CDC42BPG: variants seen among roughly 807,000 people sequenced by gnomAD.
CDC42BPG encodes the protein serine/threonine-protein kinase MRCK gamma.
A neutral mutation model predicts 192.2 loss-of-function variants in CDC42BPG; 157 were observed. The observed-to-expected ratio is 0.82, with a 90% CI of 0.72 to 0.93. The LOEUF is 0.93. CDC42BPG is among the 40% of genes least tolerant of loss of function. CDC42BPG has a pLI of 0.00. For missense variants in CDC42BPG, 1,992 were observed against 2,122.1 expected (o/e 0.94, Z 1.20); for synonymous variants, 981 against 918.5 (o/e 1.07, Z -1.23).
At chr11:64,842,367 A>T (rs1040634035) in intron 1 of CDC42BPG, among the ~76,000 whole-genome samples, 17 of 152,100 alleles carry the variant, frequency 1.1e-4, no homozygotes, top group African/African-American at 3.9e-4. Context: ...CTTCTCTCCC[A>T]TTCAGGAGCT....
Position 64,824,044 on chromosome 11 carries a change from C to T in CDC42BPG, c.*429G>A, listed in dbSNP as rs1053077950. ...TTCTCACCCAGACGCTAAGCAGAGACGGGGACATGCCCCATCTTGGCCTCA... is the reference window on the plus strand; with the variant it reads ...TTCTCACCCAGACGCTAAGCAGAGATGGGGACATGCCCCATCTTGGCCTCA... On this transcript the variant is annotated 3_prime_UTR_variant, in exon 37 of 37. Coordinates refer to ENST00000342711, the MANE Select transcript of CDC42BPG (RefSeq NM_017525.3). 11 of 197,602 alleles carry T rather than the reference C, an allele frequency of 5.6e-5. No homozygotes were observed. Among genetic ancestry groups the T allele is most frequent in the Non-Finnish European group, 7.0e-5 (7 of 100,560 alleles). 12.2% of individuals were successfully genotyped at this position (197,602 alleles called of 1,614,324 possible). A position where few individuals can be genotyped will look rare whatever the true frequency, so the allele number is the denominator to read the frequency against.
In CDC42BPG at chr11:64,834,768, C is replaced by T. The variant is rs1942892308; in HGVS notation, c.2175+81G>A. The T allele has an allele frequency of 3.5e-6, 5 of 1,422,952 alleles. No individual in the cohort carries two copies. In the Admixed American group the frequency reaches 7.5e-5, roughly 21 times the overall value. The allele number at this position is 1,422,952 out of a possible 1,614,324, so 88.1% of individuals were successfully genotyped here. Reference sequence around the variant, plus strand: ...TTGGTGTCCCCACCTCCAGTAGTGACCTTCAGTAGCAGGGATGCTGAGCTC... The same window carrying T: ...TTGGTGTCCCCACCTCCAGTAGTGATCTTCAGTAGCAGGGATGCTGAGCTC... On this transcript the variant is annotated intron_variant, in intron 18 of 36. Coordinates refer to ENST00000342711, the MANE Select transcript of CDC42BPG (RefSeq NM_017525.3).
At chr11:64,840,488 T>C in intron 4 of CDC42BPG, 65 bp downstream of exon 4, 1 of 1,538,480 alleles carries the variant, frequency 6.5e-7, no homozygotes, top group Non-Finnish European at 9.0e-7. Flanking sequence ...CCAGTGCCCC[T>C]GGCCCCAAGG....
chr11:64,840,979 T>C (rs1047687574), intron 3 of CDC42BPG, among the ~76,000 whole-genome samples: 1 of 151,704 alleles, frequency 6.6e-6, no homozygotes, highest in Non-Finnish European at 1.5e-5. Context: ...TGAAACTCCA[T>C]CTCTACTAAA....
At chr11:64,835,017 T>TTGGCCCCCCCCCCCCCC in intron 17 of CDC42BPG, 30 bp downstream of exon 17, 9 of 1,571,932 alleles carry the variant, frequency 5.7e-6, no homozygotes, top group Non-Finnish European at 7.8e-6. Flanking sequence ...TCGCCTGCGT[T>TTGGCCCCCCCCCCCCCC]CCCCACCCCG....
intron 1 of CDC42BPG, among the ~76,000 whole-genome samples, chr11:64,842,133 T>TGGACCC (rs1943309350): frequency 2.6e-5 from 4 of 152,138 alleles, no homozygotes; most frequent in South Asian, 4.1e-4. Context: ...TCCCTGGACC[T>TGGACCC]CCCTGGACCC....
chr11:64,833,130 C>T lies in CDC42BPG; in HGVS notation c.2731+101G>A, dbSNP rs1369744016. The T allele has an allele frequency of 4.9e-6, 6 of 1,233,254 alleles. No homozygotes were observed. The East Asian group carries it at 7.6e-5, about 16-fold the overall frequency. 76.4% of individuals were successfully genotyped at this position (1,233,254 alleles called of 1,614,324 possible). Reference sequence around the variant, plus strand: ...CAAAGCTGAGCAGGAGGAAATTTGACCAGCAGGTGCCAGTGACCCTGGGAT... The same window carrying T: ...CAAAGCTGAGCAGGAGGAAATTTGATCAGCAGGTGCCAGTGACCCTGGGAT... On this transcript the variant is annotated intron_variant, in intron 24 of 36. Coordinates refer to ENST00000342711, the MANE Select transcript of CDC42BPG (RefSeq NM_017525.3).
rs915252166 is a variant in CDC42BPG, at chr11:64,826,615, G to C, written c.4513+56C>G. 72 of 1,593,020 alleles carry C rather than the reference G, an allele frequency of 4.5e-5. No homozygotes were observed. The Admixed American group carries it at 4.9e-4, about 11-fold the overall frequency. ...AAGATCAGATTTCAGGGATCCAAAGGGGGTAGAAACTTGGGGTGGGGGGTG... is the reference window on the plus strand; with the variant it reads ...AAGATCAGATTTCAGGGATCCAAAGCGGGTAGAAACTTGGGGTGGGGGGTG... On this transcript the variant is annotated intron_variant, in intron 35 of 36. Transcript: ENST00000342711.
At chr11:64,838,238 AC>A in intron 8 of CDC42BPG, 76 bp from the exon 9 acceptor site, 1 of 1,108,434 alleles carries the variant, frequency 9.0e-7, no homozygotes, top group Non-Finnish European at 1.3e-6. Flanking sequence ...GCCCCCTGGG[AC>A]CAGGTGCGAC....
chr11:64,824,337 C>A lies in CDC42BPG; in HGVS notation c.*136G>T. 1 of 763,814 alleles carries A rather than the reference C, an allele frequency of 1.3e-6. No individual in the cohort carries two copies. Among genetic ancestry groups the A allele is most frequent in the Non-Finnish European group, 2.4e-6 (1 of 416,016 alleles). The allele number at this position is 763,814 out of a possible 1,614,324, so 47.3% of individuals were successfully genotyped here. On this transcript the variant is annotated 3_prime_UTR_variant, in exon 37 of 37. Transcript: ENST00000342711. ...GTCCTGGGAACCCAGGCAAGTCTCC[C>A]AGTCATTGCCCAGCCCGGGTCCTCC...
At chr11:64,840,350 G>T (rs1943225888) in intron 4 of CDC42BPG, 82 bp from the exon 5 acceptor site, 3 of 1,539,384 alleles carry the variant, frequency 1.9e-6, no homozygotes, top group Non-Finnish European at 1.8e-6. Flanking sequence ...CTCTGGGAAG[G>T]CAGGCCTGCA....
At chr11:64,826,914 T>G in intron 34 of CDC42BPG, 120 bp from the exon 35 acceptor site, 1 of 1,244,980 alleles carries the variant, frequency 8.0e-7, no homozygotes, top group South Asian at 1.5e-5. Flanking sequence ...TTTACTTAAG[T>G]CCCAGGTAGC....
Position 64,835,636 on chromosome 11 carries a change from G to A in CDC42BPG, c.1759-15C>T, listed in dbSNP as rs1942947758. The A allele has an allele frequency of 2.5e-6, 4 of 1,569,542 alleles. No homozygotes were observed. The highest frequency in any genetic ancestry group is 3.5e-6 in the Non-Finnish European group (4 of 1,157,430). ...GTGTGGATGGTCTTGGGGACATGGA[G>A]GGGGTCAGGGCAGAGACCCAAGATG... is the stretch of plus-strand genomic sequence containing the variant. On this transcript the variant is annotated splice_polypyrimidine_tract_variant and intron_variant, in intron 14 of 36. Transcript: ENST00000342711.
In CDC42BPG at chr11:64,839,294, C is replaced by T. The variant is rs1171185563; in HGVS notation, c.676-61G>A. 2.5e-6 allele frequency: 4 copies of T among 1,586,982 alleles called. No individual in the cohort carries two copies. In the Admixed American group the frequency reaches 5.0e-5, roughly 20 times the overall value. On this transcript the variant is annotated intron_variant, in intron 6 of 36. Transcript: ENST00000342711. Reference sequence around the variant, plus strand: ...TTGGGCTTGGCTGGGACTGCTGGCTCCTCGCGATGGCCCTGTCACCCCTAC... The same window carrying T: ...TTGGGCTTGGCTGGGACTGCTGGCTTCTCGCGATGGCCCTGTCACCCCTAC...
chr11:64,831,636 A>T lies in CDC42BPG; in HGVS notation c.3173T>A (p.Leu1058Gln). ...CCGCTGCAGCTCACCCAGCACCTGCAGCCAGCGTTCCCGCTCCCCCTCGCT... is the reference window on the plus strand; with the variant it reads ...CCGCTGCAGCTCACCCAGCACCTGCTGCCAGCGTTCCCGCTCCCCCTCGCT... ...AESEGERERW[L>Q]QVLGELQRLL... Residue 1058 changes from leucine to glutamine, a missense_variant, in exon 28 of 37, where the codon CTG becomes CAG. By Grantham distance (113) the Leu-to-Gln change is moderately radical. This residue lies in a region of CDC42BPG where 1,656 missense variants were observed against 1,844.3 expected (regional missense o/e 0.90). Coordinates refer to ENST00000342711, the MANE Select transcript of CDC42BPG (RefSeq NM_017525.3). 3.1e-6 allele frequency: 5 copies of T among 1,611,502 alleles called. No homozygotes were observed. Among genetic ancestry groups the T allele is most frequent in the Non-Finnish European group, 4.2e-6 (5 of 1,179,832 alleles).
intron 3 of CDC42BPG, among the ~76,000 whole-genome samples, chr11:64,840,951 C>T (rs1256034982): frequency 1.3e-5 from 2 of 151,846 alleles, no homozygotes; most frequent in Non-Finnish European, 2.9e-5. Flanking sequence ...GAGTTGGAGA[C>T]CAGCCTGGCC....
rs954272317 is a variant in CDC42BPG at position 64,838,085 on chromosome 11, G to T, written c.1203C>A (p.Gly401=). 3.2e-6 allele frequency: 5 copies of T among 1,550,230 alleles called. No homozygotes were observed. Among genetic ancestry groups the T allele is most frequent in the African/African-American group, 1.4e-5 (1 of 73,090 alleles). ...AGGTGTGTGAGGACTAGCCTCACCT[G>T]CCTGAGGTGTAGGTGAAGCCCACGA... The part of the protein sequence containing the change: ...LPFVGFTYTS[G]SHSPESSSEA... The change falls in exon 9 of 37, where the codon GGC becomes GGA. Residue 401 remains glycine (G), a splice_region_variant and synonymous_variant. Coordinates refer to ENST00000342711, the MANE Select transcript of CDC42BPG (RefSeq NM_017525.3).
intron 19 of CDC42BPG, 33 bp from the exon 20 acceptor site, chr11:64,834,387 T>G (rs1193508615): frequency 1.9e-6 from 3 of 1,561,546 alleles, no homozygotes; most frequent in Non-Finnish European, 2.6e-6. Context: ...GCCACTGGCC[T>G]CTGTGCGGGC....
chr11:64,844,394 C>T lies in CDC42BPG; in HGVS notation c.160+16G>A. On this transcript the variant is annotated intron_variant, in intron 1 of 36. Coordinates refer to ENST00000342711, the MANE Select transcript of CDC42BPG (RefSeq NM_017525.3). ...TCCCTAGGCCCGCCCCCGCTCCGTG[C>T]CGCCCCGCCACTCACCCCAGCTCAG... 3 of 1,401,156 alleles carry T rather than the reference C, an allele frequency of 2.1e-6. No homozygotes were observed. The highest frequency in any genetic ancestry group is 1.5e-5 in the South Asian group (1 of 66,304). 86.8% of individuals were successfully genotyped at this position (1,401,156 alleles called of 1,614,324 possible).
Sources: allele counts gnomAD v4.1 joint callset (sites outside exome capture counted in the v4.1 genomes callset), GRCh38; gene constraint gnomAD v4.1.1; regional missense constraint gnomAD v4.1.1; transcripts MANE v1.5; gene names NCBI Gene and HGNC (gene_info 2026-07-23, HGNC 2026-07-21).